The following CDKAL1 variants were observed in gnomAD, a reference collection of about 807,000 sequenced individuals.
CDKAL1 encodes the protein CDKAL1 threonylcarbamoyladenosine tRNA methylthiotransferase, also known as threonylcarbamoyladenosine tRNA methylthiotransferase.
A neutral mutation model predicts 68.2 loss-of-function variants in CDKAL1; 32 were observed. The ratio of observed to expected loss-of-function variants is 0.47; its 90% CI spans 0.35 to 0.63. The LOEUF (loss-of-function observed/expected upper bound fraction) is 0.63, where lower values mean the gene tolerates loss of function less well. CDKAL1 is among the 30% of genes least tolerant of loss of function. The pLI is 0.00. For synonymous variants in CDKAL1, 234 were observed against 244.3 expected, an observed-to-expected ratio of 0.96 and a Z score of 0.39; for missense variants, 606 against 696.7, an observed-to-expected ratio of 0.87 and a Z score of 1.47.
At chr6:21,012,329 TC>T (rs761049776) in intron 11 of CDKAL1, among the ~76,000 whole-genome samples, 8 of 152,138 alleles carry the variant, frequency 5.3e-5, no homozygotes, top group Non-Finnish European at 1.0e-4. Context: ...CAATTAGCAG[TC>T]TTTGCCACAG....
intron 9 of CDKAL1, among the ~76,000 whole-genome samples, chr6:20,940,664 A>G (rs2150695270): frequency 6.6e-6 from 1 of 152,326 alleles, no homozygotes; most frequent in East Asian, 1.9e-4. Flanking sequence ...CAACCATGCA[A>G]GTAGCTAGGA....
chr6:20,557,869 G>C (rs1337428194), intron 4 of CDKAL1, among the ~76,000 whole-genome samples: 2 of 152,192 alleles, frequency 1.3e-5, no homozygotes, highest in Admixed American at 1.3e-4. Flanking sequence ...GGAGGTTCCA[G>C]TGAGCGGTGA....
At chr6:21,225,928 A>G (rs570884085) in intron 15 of CDKAL1, among the ~76,000 whole-genome samples, 1 of 152,374 alleles carries the variant, frequency 6.6e-6, no homozygotes, top group South Asian at 2.1e-4. Flanking sequence ...CACTTAATCT[A>G]TATATATCTA....
chr6:20,555,968 G>GT lies in CDKAL1; in HGVS notation c.286+7272dup, dbSNP rs1371615804. 3.7e-3 allele frequency among the ~76,000 whole-genome samples: 563 copies of GT among 150,556 alleles called. 6 individuals are homozygous for GT. Among genetic ancestry groups the GT allele is most frequent in the African/African-American group, 0.013 (533 of 41,118 alleles). On this transcript the variant is annotated intron_variant, in intron 4 of 15. Transcript: ENST00000274695. ...GTAACCCTTATTAGAAGCCTTTCTC[G>GT]TTTTTTTTTGGTGGAAAGAAGGGGG...
intron 2 of CDKAL1, among the ~76,000 whole-genome samples, chr6:20,545,403 A>G (rs988886029): frequency 6.6e-6 from 1 of 152,024 alleles, no homozygotes; most frequent in Non-Finnish European, 1.5e-5. Flanking sequence ...TTCTAGTTTT[A>G]AGAGTTGTAA....
chr6:20,649,440 T>G, intron 5 of CDKAL1, 63 bp downstream of exon 5: 1 of 914,624 alleles, frequency 1.1e-6, no homozygotes, highest in Non-Finnish European at 1.7e-6. Context: ...ACCAAAAGAT[T>G]AGCTTTTTAA....
At chr6:21,069,907 A>G (rs1473580481) in intron 12 of CDKAL1, among the ~76,000 whole-genome samples, 1 of 146,952 alleles carries the variant, frequency 6.8e-6, no homozygotes, top group Non-Finnish European at 1.5e-5. Context: ...CTTCTGCCTC[A>G]GCCTCCCAAA....
intron 13 of CDKAL1, among the ~76,000 whole-genome samples, chr6:21,126,500 G>T (rs1408175869): frequency 1.3e-5 from 2 of 152,122 alleles, no homozygotes; most frequent in Non-Finnish European, 2.9e-5. Context: ...ACTCAACCTT[G>T]ATGCTTTTAT....
intron 9 of CDKAL1, among the ~76,000 whole-genome samples, chr6:20,852,922 C>T (rs372054481): frequency 6.6e-6 from 1 of 152,168 alleles, no homozygotes; most frequent in Non-Finnish European, 1.5e-5. Flanking sequence ...TATTCCTGAA[C>T]ACTGCAATCC....
At chr6:20,691,988 A>G (rs1770892166) in intron 5 of CDKAL1, among the ~76,000 whole-genome samples, 1 of 152,188 alleles carries the variant, frequency 6.6e-6, no homozygotes, top group African/African-American at 2.4e-5. Flanking sequence ...AAAAGTTTTT[A>G]ATTTTTAAGT....
chr6:20,981,763 C>T (rs1457546539), intron 10 of CDKAL1, among the ~76,000 whole-genome samples: 1 of 152,188 alleles, frequency 6.6e-6, no homozygotes, highest in Non-Finnish European at 1.5e-5. Flanking sequence ...ATTGCTTGAA[C>T]CTGGGAGGCA....
At chr6:21,175,489 A>G (rs1318982074) in intron 13 of CDKAL1, among the ~76,000 whole-genome samples, 2 of 152,196 alleles carry the variant, frequency 1.3e-5, no homozygotes, top group Non-Finnish European at 2.9e-5. Flanking sequence ...GCTCAGAGAC[A>G]AATTTAGCAC....
chr6:20,690,653 TTTGA>T (rs1485501859), intron 5 of CDKAL1, among the ~76,000 whole-genome samples: 1 of 152,162 alleles, frequency 6.6e-6, no homozygotes, highest in African/African-American at 2.4e-5. Flanking sequence ...TTTATATTTT[TTTGA>T]TTATTTACTA....
Position 20,781,191 on chromosome 6 carries a change from G to T in CDKAL1, c.564G>T (p.Arg188=), listed in dbSNP as rs930243673. 1.2e-6 allele frequency: 2 copies of T among 1,613,836 alleles called. No homozygotes were observed. ...GTCAGAAAAAGGATAATGGAAGGCG[G>T]CTTGGGGGAGCACGATTGGATTTGC... ...LLGQKKDNGR[R]LGGARLDLPK... The change falls in exon 8 of 16, where the codon CGG becomes CGT. Residue 188 remains arginine, a synonymous_variant. Coordinates refer to ENST00000274695, the MANE Select transcript of CDKAL1 (RefSeq NM_017774.3).
chr6:20,558,229 G>A (rs1764135881), intron 4 of CDKAL1, among the ~76,000 whole-genome samples: 2 of 152,308 alleles, frequency 1.3e-5, no homozygotes, highest in Admixed American at 1.3e-4. Flanking sequence ...TTGTGGCAGG[G>A]ATGACAGTGG....
intron 9 of CDKAL1, among the ~76,000 whole-genome samples, chr6:20,933,966 A>G (rs1269347189): frequency 6.6e-6 from 1 of 150,546 alleles, no homozygotes. Flanking sequence ...GTTATTTACT[A>G]ATGCCGGTAA....
In CDKAL1 at chr6:21,065,066, T is replaced by G. The variant is rs1771358566; in HGVS notation, c.1074T>G (p.Ile358Met). ...TTTCTAGAGTTCCTGGAATAACTAT[T>G]GCTACAGATATTATCTGTGGTTTTC... ...FLKEKVPGIT[I>M]ATDIICGFPG... The change falls in exon 12 of 16, where the codon ATT becomes ATG. Residue 358 changes from isoleucine (I) to methionine (M), a missense_variant. Transcript: ENST00000274695. 1 of 1,568,910 alleles carries G rather than the reference T, an allele frequency of 6.4e-7. No individual in the cohort carries two copies. Among genetic ancestry groups the G allele is most frequent in the African/African-American group, 1.4e-5 (1 of 72,868 alleles).
At chr6:21,105,408 G>A (rs1023202509) in intron 12 of CDKAL1, among the ~76,000 whole-genome samples, 2 of 152,172 alleles carry the variant, frequency 1.3e-5, no homozygotes, top group African/African-American at 2.4e-5. Flanking sequence ...TTCAGTGGGT[G>A]TCAGAAGGTA....
At chr6:20,672,224 T>C (rs904577588) in intron 5 of CDKAL1, among the ~76,000 whole-genome samples, 1 of 137,450 alleles carries the variant, frequency 7.3e-6, no homozygotes, top group African/African-American at 2.6e-5. Context: ...TCTTCCTTTC[T>C]TTCTTTTCTT....
Sources: allele counts gnomAD v4.1 joint callset (sites outside exome capture counted in the v4.1 genomes callset), GRCh38; gene constraint gnomAD v4.1.1; transcripts MANE v1.5; gene names NCBI Gene and HGNC (gene_info 2026-07-23, HGNC 2026-07-21).